MYBL2: variants seen among roughly 807,000 people sequenced by gnomAD.
The protein encoded by MYBL2 is MYB proto-oncogene like 2.
Under a neutral mutation model 79.9 loss-of-function variants are expected in MYBL2, and 28 were observed. The ratio of observed to expected loss-of-function variants is 0.35; its 90% CI spans 0.26 to 0.48. The LOEUF is 0.48. Among genes scored for constraint, MYBL2 ranks in the 20% least tolerant of loss-of-function variants. The probability of loss-of-function intolerance (pLI) is 0.99; values close to 1 mark genes in which losing one functional copy is unlikely to be tolerated. For missense variants in MYBL2, 735 were observed against 893.9 expected (o/e 0.82, Z 2.27); for synonymous variants, 378 against 361.2 (o/e 1.05, Z -0.53).
At chr20:43,707,119 G>T (rs1443577230) in intron 9 of MYBL2, among the ~76,000 whole-genome samples, 1 of 151,430 alleles carries the variant, frequency 6.6e-6, no homozygotes, top group Non-Finnish European at 1.5e-5. Context: ...GTTTGAAGCT[G>T]CAGTGAGCTA....
At chr20:43,693,235 T>C (rs1341300830) in intron 6 of MYBL2, among the ~76,000 whole-genome samples, 2 of 152,234 alleles carry the variant, frequency 1.3e-5, no homozygotes, top group Non-Finnish European at 2.9e-5. Flanking sequence ...TTTCACCACG[T>C]TGGCCAGGCT....
Position 43,716,386 on chromosome 20 carries a change from T to C in MYBL2, c.*299T>C. The C allele has an allele frequency of 2.3e-6, 1 of 425,650 alleles. No homozygotes were observed. The allele number at this position is 425,650 out of a possible 1,614,324, so 26.4% of individuals were successfully genotyped here. ...AGCCCACGTCAGGCCTGGCCTCATC[T>C]CAGACCCTGCTTAGGATGGGGGATG... On this transcript the variant is annotated 3_prime_UTR_variant, in exon 14 of 14. Transcript: ENST00000217026.
chr20:43,669,497 C>T (rs774008054), intron 1 of MYBL2, among the ~76,000 whole-genome samples: 2 of 152,202 alleles, frequency 1.3e-5, no homozygotes, highest in Non-Finnish European at 2.9e-5. Context: ...CCCCACTTCC[C>T]GCTTTGTCTC....
At chr20:43,715,355 C>T (rs1988008413) in intron 13 of MYBL2, 72 bp downstream of exon 13, 6 of 1,596,544 alleles carry the variant, frequency 3.8e-6, no homozygotes, top group Non-Finnish European at 5.1e-6. Flanking sequence ...TGCTGGCCAT[C>T]CCTGGGGGTC....
At chr20:43,673,487 G>C (rs1482262440) in intron 1 of MYBL2, among the ~76,000 whole-genome samples, 1 of 151,468 alleles carries the variant, frequency 6.6e-6, no homozygotes, top group Non-Finnish European at 1.5e-5. Context: ...AAATACAAAA[G>C]TTAGCCGGGC....
At chr20:43,683,334 G>T (rs1450748819) in intron 4 of MYBL2, among the ~76,000 whole-genome samples, 1 of 152,154 alleles carries the variant, frequency 6.6e-6, no homozygotes, top group African/African-American at 2.4e-5. Context: ...AGTCCTGTGA[G>T]GTGGGCAGAA....
At chr20:43,670,645 A>C (rs909567544) in intron 1 of MYBL2, among the ~76,000 whole-genome samples, 4 of 152,146 alleles carry the variant, frequency 2.6e-5, no homozygotes, top group African/African-American at 9.7e-5. Context: ...AGGCAGTTGC[A>C]GTGTAAGGGC....
At position 43,674,234 on chromosome 20, in the gene MYBL2, C is replaced by CCTT. The variant is rs33986259; in HGVS notation, c.114+335_114+336insCTT. 1.9e-3 allele frequency among the ~76,000 whole-genome samples: 135 copies of CCTT among 72,214 alleles called. 8 individuals are homozygous for CCTT. The highest frequency in any genetic ancestry group is 2.7e-3 in the African/African-American group (64 of 23,470). The allele number at this position is 72,214 out of a possible 152,430, so 47.4% of individuals were successfully genotyped here. The stretch of plus-strand genomic sequence containing the variant: ...GGCCAAATCTGTAACTCCCCCCACC[C>CCTT]TTTTTTTTTTTTTTTTTTTGAGACA... On this transcript the variant is annotated intron_variant, in intron 2 of 13. Coordinates refer to ENST00000217026, the MANE Select transcript of MYBL2 (RefSeq NM_002466.4).
At chr20:43,691,901 G>A (rs1374662778) in intron 5 of MYBL2, among the ~76,000 whole-genome samples, 1 of 151,472 alleles carries the variant, frequency 6.6e-6, no homozygotes, top group East Asian at 1.9e-4. Context: ...GACAGTAGCT[G>A]GTGCCATTTT....
intron 11 of MYBL2, among the ~76,000 whole-genome samples, chr20:43,712,407 T>A (rs1260087614): frequency 6.6e-6 from 1 of 151,992 alleles, no homozygotes; most frequent in African/African-American, 2.4e-5. Flanking sequence ...GCCTCCAGGG[T>A]CCTCCCTGGC....
intron 6 of MYBL2, among the ~76,000 whole-genome samples, chr20:43,698,166 AGCTTTTTTTCTT>A (rs1987593546): frequency 7.1e-6 from 1 of 140,668 alleles, no homozygotes; most frequent in Non-Finnish European, 1.5e-5. Context: ...CCAGTTTGGT[AGCTTTTTTTCTT>A]TATTTTATAA....
chr20:43,680,939 C>A (rs564977760), intron 2 of MYBL2, among the ~76,000 whole-genome samples: 9 of 152,162 alleles, frequency 5.9e-5, no homozygotes, highest in South Asian at 4.1e-4. Context: ...TCCTTGCCCC[C>A]CTTTGCTGTT....
rs921397971 is a variant in MYBL2 at position 43,715,162 on chromosome 20, G to C, written c.1853G>C (p.Ser618Thr). Residue 618 changes from serine (S) to threonine (T), a missense_variant, in exon 13 of 14, where the codon AGC becomes ACC. By Grantham distance (58) the Ser-to-Thr change is moderately conservative. Around this residue, in one of 5 missense-constraint regions of MYBL2, gnomAD observed 204 missense variants for 202.9 expected, o/e 1.01. Transcript: ENST00000217026. The stretch of plus-strand genomic sequence containing the variant: ...ACAACTGCCCCTTCAAACTCTTCCA[G>C]CCTCACCCTGTCAGGTATCAAAGAA... The part of the protein sequence containing the change: ...LPTTAPSNSS[S>T]LTLSGIKEDN... 2.5e-6 allele frequency: 4 copies of C among 1,614,170 alleles called. No individual in the cohort carries two copies. The highest frequency in any genetic ancestry group is 3.3e-5 in the Admixed American group (2 of 60,018).
chr20:43,704,246 C>T (rs1209205398), intron 8 of MYBL2, among the ~76,000 whole-genome samples: 1 of 152,170 alleles, frequency 6.6e-6, no homozygotes, highest in Non-Finnish European at 1.5e-5. Flanking sequence ...GAACTCTTGA[C>T]CTCAAGTGAT....
chr20:43,672,669 C>T (rs892217051), intron 1 of MYBL2, among the ~76,000 whole-genome samples: 9 of 152,112 alleles, frequency 5.9e-5, no homozygotes, highest in Non-Finnish European at 1.3e-4. Context: ...ATTGCTTGAG[C>T]CTAGGAGTTG....
At chr20:43,704,315 C>G (rs1987733646) in intron 8 of MYBL2, among the ~76,000 whole-genome samples, 1 of 152,208 alleles carries the variant, frequency 6.6e-6, no homozygotes, top group African/African-American at 2.4e-5. Context: ...CGCGCCTGGC[C>G]TAACTAACCA....
At position 43,681,786 on chromosome 20, in the gene MYBL2, C is replaced by T. The variant is rs2227937; in HGVS notation, c.117C>T (p.Asp39=). Residue 39 remains aspartate (D), a splice_region_variant and synonymous_variant, in exon 3 of 14, where the codon GAC becomes GAT. Transcript: ENST00000217026. Reference sequence around the variant, plus strand: ...CCCTGTCTTTCTGGTGTTGGCAGGACGAGCAGCTGAGGGCCCTGGTGAGGC... The same window carrying T: ...CCCTGTCTTTCTGGTGTTGGCAGGATGAGCAGCTGAGGGCCCTGGTGAGGC... ...KCKVKWTHEE[D]EQLRALVRQF... 9,369 of 1,614,110 alleles carry T rather than the reference C, an allele frequency of 5.8e-3. 468 individuals carry two copies. In the African/African-American group the frequency reaches 0.11, roughly 19 times the overall value.
chr20:43,714,846 G>A (rs1987991135), intron 12 of MYBL2, among the ~76,000 whole-genome samples: 1 of 152,204 alleles, frequency 6.6e-6, no homozygotes, highest in Admixed American at 6.5e-5. Flanking sequence ...GACCAGGATG[G>A]TCTCGATCTC....
chr20:43,709,548 C>T (rs1480847496), intron 9 of MYBL2, among the ~76,000 whole-genome samples: 5 of 152,180 alleles, frequency 3.3e-5, no homozygotes, highest in East Asian at 3.9e-4. Flanking sequence ...CCTCACCTCT[C>T]GCCCCTCCTT....
Sources: gnomAD v4.1 joint callset for allele counts (sites outside exome capture counted in the v4.1 genomes callset) on GRCh38, gnomAD v4.1.1 for gene constraint, gnomAD v4.1.1 regional missense constraint, MANE v1.5 for transcripts, NCBI Gene and HGNC (gene_info 2026-07-23, HGNC 2026-07-21) for gene names.